Variants in CCDC80 observed in about 807,000 individuals in gnomAD.
CCDC80 encodes the protein coiled-coil domain-containing protein 80.
In CCDC80, 49 loss-of-function variants were observed where a neutral mutation model predicts 78.7. That is an observed-to-expected ratio of 0.62 (90% CI 0.50 to 0.79). CCDC80 has a LOEUF of 0.79. Among genes scored for constraint, CCDC80 ranks in the 30% least tolerant of loss-of-function variants. The pLI, the probability that CCDC80 is intolerant of heterozygous loss-of-function variation, is 0.00. For missense variants in CCDC80, 1,205 were observed against 1,198.6 expected (o/e 1.01, Z -0.08); for synonymous variants, 488 against 447.0 (o/e 1.09, Z -1.16).
chr3:112,628,467 T>G (rs1160903749), intron 3 of CCDC80, among the ~76,000 whole-genome samples: 1 of 152,136 alleles, frequency 6.6e-6, no homozygotes, highest in Non-Finnish European at 1.5e-5. Flanking sequence ...GATCAAATGG[T>G]GATGCAGAGG....
chr3:112,626,582 T>G (rs1340247325), intron 3 of CCDC80, among the ~76,000 whole-genome samples: 1 of 152,154 alleles, frequency 6.6e-6, no homozygotes, highest in Admixed American at 6.5e-5. Context: ...GAGTGTCACT[T>G]TGTCACCCAG....
At chr3:112,617,911 G>C (rs1050161747) in intron 4 of CCDC80, among the ~76,000 whole-genome samples, 1 of 152,210 alleles carries the variant, frequency 6.6e-6, no homozygotes, top group African/African-American at 2.4e-5. Context: ...TATAGTGCCA[G>C]TATGCCAAAA....
chr3:112,609,760 A>G (rs1017487674), intron 6 of CCDC80, among the ~76,000 whole-genome samples: 10 of 151,450 alleles, frequency 6.6e-5, no homozygotes, highest in African/African-American at 2.4e-4. Context: ...AAGAAGAACT[A>G]GAGAGGAGAG....
At chr3:112,616,343 A>G (rs536000127) in intron 5 of CCDC80, among the ~76,000 whole-genome samples, 133 of 152,118 alleles carry the variant, frequency 8.7e-4, no homozygotes, top group African/African-American at 3.0e-3. Context: ...TGTAAAATAA[A>G]AATGCTACAT....
At chr3:112,610,359 G>A in intron 5 of CCDC80, 1 of 439,038 alleles carries the variant, frequency 2.3e-6, no homozygotes, top group South Asian at 2.2e-5. Context: ...GTCACTTGGG[G>A]AGAGACAAAC....
rs559001907 is a variant in CCDC80 at position 112,605,759 on chromosome 3, G to A, written c.2511C>T (p.Ser837=). ...GTACGTCTTCTCGCTCAACAACAGA[G>A]CTCCCTAGAATAACATTGGAATAGT... is the stretch of plus-strand genomic sequence containing the variant. The part of the protein sequence containing the change: ...GVLELFPING[S]SVVEREDVPA... The change falls in exon 8 of 8, where the codon AGC becomes AGT. Residue 837 remains serine (S), a synonymous_variant. Coordinates refer to ENST00000206423, the MANE Select transcript of CCDC80 (RefSeq NM_199511.3). 9 of 1,612,126 alleles carry A rather than the reference G, an allele frequency of 5.6e-6. No homozygotes were observed. In the East Asian group the frequency reaches 8.9e-5, roughly 16 times the overall value.
intron 5 of CCDC80, 32 bp from the exon 6 acceptor site, chr3:112,610,113 T>A (rs374757202): frequency 1.3e-5 from 21 of 1,569,918 alleles, no homozygotes; most frequent in Non-Finnish European, 5.3e-6. Flanking sequence ...CCATTACTGC[T>A]TACTGCTTCA....
intron 5 of CCDC80, among the ~76,000 whole-genome samples, chr3:112,614,818 T>C (rs1935701201): frequency 6.6e-6 from 1 of 152,224 alleles, no homozygotes; most frequent in South Asian, 2.1e-4. Flanking sequence ...GGGAGTCAGA[T>C]TGTCCCAGGG....
At chr3:112,609,285 C>T (rs1576779941) in intron 6 of CCDC80, among the ~76,000 whole-genome samples, 1 of 152,260 alleles carries the variant, frequency 6.6e-6, no homozygotes, top group Non-Finnish European at 1.5e-5. Context: ...TTAGCTCTCT[C>T]AGGACACTAG....
Position 112,598,188 on chromosome 3 carries a change from G to A in CCDC80, c.*7229C>T, listed in dbSNP as rs1027761118. 2.0e-5 allele frequency: 3 copies of A among 152,226 alleles called. No homozygotes were observed. Among genetic ancestry groups the A allele is most frequent in the Admixed American group, 6.5e-5 (1 of 15,276 alleles). The allele number at this position is 152,226 out of a possible 1,614,324, so 9.4% of individuals were successfully genotyped here. On this transcript the variant is annotated 3_prime_UTR_variant, in exon 8 of 8. Coordinates refer to ENST00000206423, the MANE Select transcript of CCDC80 (RefSeq NM_199511.3). ...TAAAAAGCAAGCCAAAGATAGAAAAGAGAGCTAAGGCTACAGGAGGAATTT... is the reference window on the plus strand; with the variant it reads ...TAAAAAGCAAGCCAAAGATAGAAAAAAGAGCTAAGGCTACAGGAGGAATTT...
chr3:112,623,614 T>C (rs3914201), intron 3 of CCDC80, among the ~76,000 whole-genome samples: 16,328 of 152,146 alleles, frequency 0.11, 2,222 homozygotes, highest in African/African-American at 0.31. Context: ...GAATCTGCAT[T>C]TAAAAAATTT....
At chr3:112,617,472 T>C (rs1235315875) in intron 4 of CCDC80, among the ~76,000 whole-genome samples, 1 of 152,244 alleles carries the variant, frequency 6.6e-6, no homozygotes, top group African/African-American at 2.4e-5. Context: ...TGGCTGAGCG[T>C]AATCAGCATA....
intron 6 of CCDC80, among the ~76,000 whole-genome samples, chr3:112,608,946 C>T (rs1206513943): frequency 3.9e-5 from 6 of 152,082 alleles, no homozygotes; most frequent in Admixed American, 1.3e-4. Flanking sequence ...CAAAACTTAC[C>T]CTCCTCCCTT....
chr3:112,620,778 GTTCTGA>G (rs1207900799), intron 3 of CCDC80, among the ~76,000 whole-genome samples: 2 of 152,152 alleles, frequency 1.3e-5, no homozygotes, highest in Non-Finnish European at 2.9e-5. Flanking sequence ...CTTAACTAAT[GTTCTGA>G]TTCTAAGACT....
chr3:112,636,200 C>T lies in CCDC80; in HGVS notation c.1878+1828G>A, dbSNP rs1455446136. On this transcript the variant is annotated intron_variant, in intron 2 of 7. Coordinates refer to ENST00000206423, the MANE Select transcript of CCDC80 (RefSeq NM_199511.3). ...AAACCACTAATTCTTTCCCATGCCC[C>T]AGAGAGAGCAGTTTGCCCCCACAGG... Among the ~76,000 whole-genome samples the T allele has an allele frequency of 4.6e-5, 7 of 152,254 alleles. No individual in the cohort carries two copies. The East Asian group carries it at 1.4e-3, about 29-fold the overall frequency.
chr3:112,622,275 GA>G (rs1935882504), intron 3 of CCDC80, among the ~76,000 whole-genome samples: 1 of 152,136 alleles, frequency 6.6e-6, no homozygotes, highest in Non-Finnish European at 1.5e-5. Context: ...CCAAACATTA[GA>G]AATAAAACAT....
At chr3:112,625,819 A>C (rs1213206758) in intron 3 of CCDC80, among the ~76,000 whole-genome samples, 1 of 152,180 alleles carries the variant, frequency 6.6e-6, no homozygotes, top group African/African-American at 2.4e-5. Context: ...TTGTCTGTGT[A>C]CACCTTTTTA....
chr3:112,635,067 A>G (rs544133331), intron 2 of CCDC80, among the ~76,000 whole-genome samples: 7 of 152,192 alleles, frequency 4.6e-5, no homozygotes, highest in African/African-American at 1.7e-4. Context: ...TAATCTAAAA[A>G]TAGGACACCT....
intron 5 of CCDC80, among the ~76,000 whole-genome samples, chr3:112,612,281 A>T (rs1363453776): frequency 6.6e-6 from 1 of 152,032 alleles, no homozygotes; most frequent in Non-Finnish European, 1.5e-5. Flanking sequence ...TCCAAACCAG[A>T]CTAGCCTTCC....
Sources: gnomAD v4.1 joint callset for allele counts (sites outside exome capture counted in the v4.1 genomes callset) on GRCh38, gnomAD v4.1.1 for gene constraint, MANE v1.5 for transcripts, NCBI Gene and HGNC (gene_info 2026-07-23, HGNC 2026-07-21) for gene names.